NTRK2: variants seen among roughly 807,000 people sequenced by gnomAD.
The protein encoded by NTRK2 is BDNF/NT-3 growth factors receptor.
NTRK2 carries 13 observed loss-of-function variants against 94.5 expected under a neutral mutation model. That is an observed-to-expected ratio of 0.14 (90% CI 0.09 to 0.22). The LOEUF (loss-of-function observed/expected upper bound fraction) is 0.22, where lower values mean the gene tolerates loss of function less well. NTRK2 is among the 10% of genes least tolerant of loss of function. The probability of loss-of-function intolerance (pLI) is 1.00; values close to 1 mark genes in which losing one functional copy is unlikely to be tolerated. For synonymous variants in NTRK2, 372 were observed against 407.4 expected (o/e 0.91, Z 1.05); for missense variants, 639 against 1,071.2 (o/e 0.60, Z 5.63).
chr9:84,746,766 G>A (rs762199088), intron 11 of NTRK2, among the ~76,000 whole-genome samples: 25 of 152,196 alleles, frequency 1.6e-4, no homozygotes, highest in Non-Finnish European at 3.1e-4. Context: ...TTTGCTTCCT[G>A]ATGGCCATGA....
chr9:84,729,248 A>G (rs1430743872), intron 9 of NTRK2, among the ~76,000 whole-genome samples: 1 of 152,258 alleles, frequency 6.6e-6, no homozygotes, highest in African/African-American at 2.4e-5. Flanking sequence ...CTTGCTTAGT[A>G]TATTCAAAAT....
chr9:84,872,966 C>T, intron 14 of NTRK2: 1 of 1,064,786 alleles, frequency 9.4e-7, no homozygotes, highest in Non-Finnish European at 1.1e-6. Context: ...TTTCACAGAA[C>T]CGCAGAGGTT....
intron 6 of NTRK2, among the ~76,000 whole-genome samples, chr9:84,715,623 G>A (rs577428767): frequency 2.0e-5 from 3 of 152,084 alleles, no homozygotes; most frequent in Non-Finnish European, 4.4e-5. Flanking sequence ...ATAGAGAGGT[G>A]CTATGAGCAG....
chr9:84,880,705 A>T (rs2076229745), intron 14 of NTRK2, among the ~76,000 whole-genome samples: 1 of 152,236 alleles, frequency 6.6e-6, no homozygotes, highest in Non-Finnish European at 1.5e-5. Flanking sequence ...CCAATATCTC[A>T]TATAAGTCTT....
chr9:84,701,981 T>C (rs2060758686), intron 2 of NTRK2, among the ~76,000 whole-genome samples, 178 bp from the exon 3 acceptor site: 1 of 152,192 alleles, frequency 6.6e-6, no homozygotes, highest in African/African-American at 2.4e-5. Flanking sequence ...ACCTGGTCAG[T>C]CATGGTTTCT....
intron 17 of NTRK2, among the ~76,000 whole-genome samples, chr9:85,017,205 T>A (rs1832332134): frequency 1.3e-5 from 2 of 152,152 alleles, no homozygotes; most frequent in Admixed American, 1.3e-4. Context: ...GAGTGAAGGT[T>A]CCAGAGAAGA....
chr9:84,875,014 C>T, intron 14 of NTRK2: 1 of 1,057,246 alleles, frequency 9.5e-7, no homozygotes, highest in Non-Finnish European at 1.1e-6. Flanking sequence ...AGTAGAAAAC[C>T]TGGAAAACAT....
At chr9:84,946,721 T>C (rs2078610239) in intron 15 of NTRK2, among the ~76,000 whole-genome samples, 1 of 152,210 alleles carries the variant, frequency 6.6e-6, no homozygotes, top group Admixed American at 6.5e-5. Context: ...ACAACACAAG[T>C]GATTTATTTC....
intron 14 of NTRK2, chr9:84,872,940 G>C: frequency 9.4e-7 from 1 of 1,065,094 alleles, no homozygotes; most frequent in Non-Finnish European, 1.1e-6. Flanking sequence ...TAAGGGGAAA[G>C]GCTGGAGGTG....
At position 84,724,575 on chromosome 9, in the gene NTRK2, C is replaced by T. The variant is rs527491601; in HGVS notation, c.853+219C>T. ...TGTTTTTTCTTTTAAGCTTCTTTTT[C>T]GATTTTGAGCTTGTCATTTTGTGCC... On this transcript the variant is annotated intron_variant, in intron 8 of 18. Transcript: ENST00000277120. Among the ~76,000 whole-genome samples, 9 of 152,132 alleles carry T rather than the reference C, an allele frequency of 5.9e-5. No individual in the cohort carries two copies. In the East Asian group the frequency reaches 1.5e-3, roughly 26 times the overall value.
At chr9:84,954,206 C>G (rs77754325) in intron 16 of NTRK2, among the ~76,000 whole-genome samples, 1,567 of 152,324 alleles carry the variant, frequency 0.01, 30 homozygotes, top group African/African-American at 0.035. Flanking sequence ...CCCTTGGCCA[C>G]GCCAGGGCAG....
At chr9:84,776,261 G>A (rs1377766132) in intron 12 of NTRK2, among the ~76,000 whole-genome samples, 3 of 151,634 alleles carry the variant, frequency 2.0e-5, no homozygotes, top group African/African-American at 4.8e-5. Context: ...TCACTCTGTC[G>A]CCCAGGCTGG....
At chr9:84,810,744 C>T in intron 12 of NTRK2, 2 of 1,492,734 alleles carry the variant, frequency 1.3e-6, no homozygotes, top group Non-Finnish European at 1.8e-6. Context: ...CTATATGAAG[C>T]CTGCATATAC....
At chr9:84,681,735 G>A (rs1034251491) in intron 2 of NTRK2, among the ~76,000 whole-genome samples, 2 of 152,280 alleles carry the variant, frequency 1.3e-5, no homozygotes, top group African/African-American at 4.8e-5. Flanking sequence ...CGGTCTATCT[G>A]AAATGCTGAT....
intron 17 of NTRK2, among the ~76,000 whole-genome samples, chr9:84,997,721 A>G (rs578157983): frequency 6.6e-6 from 1 of 152,262 alleles, no homozygotes; most frequent in South Asian, 2.1e-4. Context: ...CAAATTTGGA[A>G]AGGAAGTGGG....
chr9:84,831,633 C>T lies in NTRK2; in HGVS notation c.1397-29407C>T, dbSNP rs538934340. On this transcript the variant is annotated intron_variant, in intron 12 of 18. Coordinates refer to ENST00000277120, the MANE Select transcript of NTRK2 (RefSeq NM_006180.6). ...CCATCCAGAGAAAGAAAGTGAGGCCCAAGGAGGCTAAATGACTTACTCGAG... is the reference window on the plus strand; with the variant it reads ...CCATCCAGAGAAAGAAAGTGAGGCCTAAGGAGGCTAAATGACTTACTCGAG... Among the ~76,000 whole-genome samples the T allele has an allele frequency of 3.9e-5, 6 of 152,266 alleles. No individual in the cohort carries two copies. The South Asian group carries it at 6.2e-4, about 16-fold the overall frequency.
At chr9:84,797,289 A>C (rs1055378917) in intron 12 of NTRK2, among the ~76,000 whole-genome samples, 2 of 151,762 alleles carry the variant, frequency 1.3e-5, no homozygotes, top group African/African-American at 4.8e-5. Context: ...CATGTTGTCT[A>C]TGTTGCTTTC....
At chr9:84,892,069 G>A (rs539158406) in intron 14 of NTRK2, among the ~76,000 whole-genome samples, 109 of 152,246 alleles carry the variant, frequency 7.2e-4, no homozygotes, top group Middle Eastern at 3.4e-3. Flanking sequence ...CAGTAACAAG[G>A]ATACTTTGAA....
At chr9:84,793,684 T>A (rs1399254341) in intron 12 of NTRK2, among the ~76,000 whole-genome samples, 3 of 152,242 alleles carry the variant, frequency 2.0e-5, no homozygotes, top group Admixed American at 2.0e-4. Context: ...TGAGCTATTT[T>A]AATGAGAAAG....
Sources: allele counts gnomAD v4.1 joint callset (sites outside exome capture counted in the v4.1 genomes callset), GRCh38; gene constraint gnomAD v4.1.1; transcripts MANE v1.5; gene names NCBI Gene and HGNC (gene_info 2026-07-23, HGNC 2026-07-21).